Variants in DNAH7 observed in about 807,000 individuals in gnomAD.
DNAH7 encodes the protein axonemal beta dynein heavy chain 7.
A neutral mutation model predicts 444.6 loss-of-function variants in DNAH7; 397 were observed. That is an observed-to-expected ratio of 0.89 (90% CI 0.82 to 0.97). The LOEUF is 0.97. DNAH7 is among the 50% of genes least tolerant of loss of function. The probability of loss-of-function intolerance (pLI) is 0.00; values close to 1 mark genes in which losing one functional copy is unlikely to be tolerated. For missense variants in DNAH7, 4,902 were observed against 4,800.8 expected (o/e 1.02, Z -0.62); for synonymous variants, 1,636 against 1,624.4 (o/e 1.01, Z -0.17).
chr2:195,974,840 AG>A (rs1692078842), intron 15 of DNAH7, among the ~76,000 whole-genome samples: 1 of 151,914 alleles, frequency 6.6e-6, no homozygotes, highest in Non-Finnish European at 1.5e-5. Context: ...TACTTTCCAA[AG>A]GACAGAACTC....
chr2:195,796,141 A>T (rs1696121617), intron 56 of DNAH7, among the ~76,000 whole-genome samples: 1 of 152,180 alleles, frequency 6.6e-6, no homozygotes, highest in African/African-American at 2.4e-5. Context: ...TGGCAGGGTA[A>T]CTGGCCAAGT....
In DNAH7 at chr2:195,873,140, G is replaced by A. The variant is rs563001196; in HGVS notation, c.6413+428C>T. Among the ~76,000 whole-genome samples, 180 of 152,298 alleles carry A rather than the reference G, an allele frequency of 1.2e-3. 2 individuals carry two copies. The highest frequency in any genetic ancestry group is 4.1e-3 in the African/African-American group (172 of 41,550). On this transcript the variant is annotated intron_variant, in intron 39 of 64. Transcript: ENST00000312428. ...ATGGGCACACAGACAGACTTCCCCT[G>A]CCCAGGTCAGCTTGGCTCCCTGATA...
At position 195,767,707 on chromosome 2, in the gene DNAH7, C is replaced by T. The variant is rs185467671; in HGVS notation, c.11433+3953G>A. 2.8e-4 allele frequency among the ~76,000 whole-genome samples: 43 copies of T among 151,924 alleles called. No individual in the cohort carries two copies. The South Asian group carries it at 7.5e-3, about 26-fold the overall frequency. On this transcript the variant is annotated intron_variant, in intron 61 of 64. Transcript: ENST00000312428. The stretch of plus-strand genomic sequence containing the variant: ...ATCCCATAATTATAATGTGTAATTT[C>T]TTTTGTTTATTGTTTCACTCTTTAA...
In DNAH7 at chr2:195,949,584, TA is replaced by T. The variant is rs1398061404; in HGVS notation, c.3078+7676del. Among the ~76,000 whole-genome samples, 7 of 152,056 alleles carry T rather than the reference TA, an allele frequency of 4.6e-5. No homozygotes were observed. The East Asian group carries it at 1.4e-3, about 29-fold the overall frequency. ...CAGGCATGAGCCACAGCGCCTGGCT[TA>T]CCCTTTATTTCTTTATCCTGCCTGA... On this transcript the variant is annotated intron_variant, in intron 19 of 64. Coordinates refer to ENST00000312428, the MANE Select transcript of DNAH7 (RefSeq NM_018897.3).
At chr2:196,051,741 TG>T (rs1383204248) in intron 2 of DNAH7, among the ~76,000 whole-genome samples, 1 of 151,988 alleles carries the variant, frequency 6.6e-6, no homozygotes, top group African/African-American at 2.4e-5. Context: ...CACTCCAGCC[TG>T]GGCGACAGAG....
At chr2:195,805,547 A>G (rs1696669387) in intron 54 of DNAH7, among the ~76,000 whole-genome samples, 1 of 152,200 alleles carries the variant, frequency 6.6e-6, no homozygotes, top group Non-Finnish European at 1.5e-5. Flanking sequence ...AAACTACTGT[A>G]GTTACTTCCA....
chr2:196,037,214 C>T (rs562397833), intron 5 of DNAH7, among the ~76,000 whole-genome samples: 5 of 152,232 alleles, frequency 3.3e-5, no homozygotes, highest in East Asian at 1.9e-4. Flanking sequence ...AAGCACCCTA[C>T]CCAGTTAACA....
At chr2:195,966,968 A>T (rs946403463) in intron 17 of DNAH7, among the ~76,000 whole-genome samples, 2 of 152,126 alleles carry the variant, frequency 1.3e-5, no homozygotes, top group African/African-American at 2.4e-5. Context: ...TATTATTGAT[A>T]AGTAAGGAGT....
chr2:195,906,554 A>T (rs1687035291), intron 27 of DNAH7, 105 bp downstream of exon 27: 1 of 1,135,172 alleles, frequency 8.8e-7, no homozygotes, highest in African/African-American at 1.6e-5. Flanking sequence ...TCAGCCTCCT[A>T]AAGTGCTAGG....
chr2:196,027,903 T>G, intron 6 of DNAH7, 57 bp downstream of exon 6: 1 of 1,518,336 alleles, frequency 6.6e-7, no homozygotes, highest in South Asian at 1.2e-5. Context: ...AGTATAAAAT[T>G]ATCTTCAAGT....
intron 57 of DNAH7, among the ~76,000 whole-genome samples, chr2:195,790,159 G>T (rs965770087): frequency 6.6e-6 from 1 of 151,998 alleles, no homozygotes; most frequent in South Asian, 2.1e-4. Flanking sequence ...ACAAAACACC[G>T]CTGAAAGAAA....
intron 43 of DNAH7, 145 bp downstream of exon 43, chr2:195,858,329 A>T: frequency 1.4e-6 from 1 of 717,686 alleles, no homozygotes. Flanking sequence ...CAATTAGGGA[A>T]TTCTTTTGCC....
intron 9 of DNAH7, among the ~76,000 whole-genome samples, chr2:196,016,441 G>C (rs990446391): frequency 6.6e-6 from 1 of 152,124 alleles, no homozygotes; most frequent in Non-Finnish European, 1.5e-5. Context: ...CAATGAAGTA[G>C]CCTCTTCCTA....
chr2:196,057,185 CAT>C (rs149138813), intron 2 of DNAH7, among the ~76,000 whole-genome samples: 2,385 of 152,132 alleles, frequency 0.016, 55 homozygotes, highest in African/African-American at 0.054. Context: ...TTTTAAAAGA[CAT>C]AAAACTCAAA....
chr2:195,743,109 C>A (rs1559064420), intron 63 of DNAH7, among the ~76,000 whole-genome samples: 4 of 152,210 alleles, frequency 2.6e-5, no homozygotes, highest in Admixed American at 1.3e-4. Flanking sequence ...GGATGCTTCC[C>A]ACCCTTAAAC....
intron 24 of DNAH7, among the ~76,000 whole-genome samples, chr2:195,910,778 A>G (rs1448408101): frequency 6.6e-6 from 1 of 152,160 alleles, no homozygotes; most frequent in Non-Finnish European, 1.5e-5. Context: ...CTAAATGGAA[A>G]CTAAAATCAC....
rs140964350 is a variant in DNAH7 at position 195,765,036 on chromosome 2, GACAC to G, written c.11433+6620_11433+6623del. ...ACAGCATGGTACTGGCATAAAAACA[GACAC>G]ACAGCCCAATAGAACAGGAGAGAGA... is the stretch of plus-strand genomic sequence containing the variant. On this transcript the variant is annotated intron_variant, in intron 61 of 64. Coordinates refer to ENST00000312428, the MANE Select transcript of DNAH7 (RefSeq NM_018897.3). Among the ~76,000 whole-genome samples, 350 of 152,186 alleles carry G rather than the reference GACAC, an allele frequency of 2.3e-3. 1 individual carries two copies. Among genetic ancestry groups the G allele is most frequent in the African/African-American group, 7.9e-3 (326 of 41,520 alleles).
intron 23 of DNAH7, among the ~76,000 whole-genome samples, chr2:195,922,474 C>G (rs1340162191): frequency 6.6e-6 from 1 of 152,164 alleles, no homozygotes; most frequent in Non-Finnish European, 1.5e-5. Flanking sequence ...TATTACTCAT[C>G]ATTTAACAGA....
At chr2:195,825,819 A>G (rs1412901790) in intron 48 of DNAH7, among the ~76,000 whole-genome samples, 2 of 152,188 alleles carry the variant, frequency 1.3e-5, no homozygotes, top group Non-Finnish European at 2.9e-5. Flanking sequence ...GGTGACAGGT[A>G]TTTGGATCTC....
Sources: allele counts gnomAD v4.1 joint callset (sites outside exome capture counted in the v4.1 genomes callset), GRCh38; gene constraint gnomAD v4.1.1; transcripts MANE v1.5; gene names NCBI Gene and HGNC (gene_info 2026-07-23, HGNC 2026-07-21).